Variants in NCAM1 observed in about 807,000 individuals in gnomAD.
The protein encoded by NCAM1 is neural cell adhesion molecule 1.
NCAM1 carries 14 observed loss-of-function variants against 109.8 expected under a neutral mutation model. That is an observed-to-expected ratio of 0.13 (90% CI 0.08 to 0.20). NCAM1 has a LOEUF of 0.20. Ranked by LOEUF, NCAM1 falls within the 10% of genes least tolerant of loss-of-function variation. The probability of loss-of-function intolerance (pLI) is 1.00; values close to 1 mark genes in which losing one functional copy is unlikely to be tolerated. For missense variants in NCAM1, 774 were observed against 1,109.9 expected, an observed-to-expected ratio of 0.70 and a Z score of 4.30; for synonymous variants, 418 against 442.9, an observed-to-expected ratio of 0.94 and a Z score of 0.70.
chr11:113,012,054 C>T (rs1020403228), intron 1 of NCAM1, among the ~76,000 whole-genome samples: 11 of 143,496 alleles, frequency 7.7e-5, no homozygotes, highest in East Asian at 4.2e-4. Context: ...ACAGATTCTC[C>T]GTCTCCCAGG....
intron 1 of NCAM1, among the ~76,000 whole-genome samples, chr11:113,085,297 A>G (rs956696334): frequency 6.6e-6 from 1 of 152,216 alleles, no homozygotes; most frequent in Non-Finnish European, 1.5e-5. Flanking sequence ...TACTAATTCC[A>G]CAATGGCCAG....
In NCAM1 at chr11:113,275,590, G is replaced by C. The variant is rs1245784035; in HGVS notation, c.*203G>C. The C allele has an allele frequency of 1.6e-6, 1 of 635,648 alleles. No homozygotes were observed. The highest frequency in any genetic ancestry group is 2.4e-6 in the Non-Finnish European group (1 of 408,318). 39.4% of individuals were successfully genotyped at this position (635,648 alleles called of 1,614,324 possible). On this transcript the variant is annotated 3_prime_UTR_variant, in exon 20 of 20. Coordinates refer to ENST00000316851, the MANE Select transcript of NCAM1 (RefSeq NM_181351.5). ...GGAATCTCCTTTTTGTAGGTTTATAGAAAGGGTCCCTTTGTTGCACACTCA... is the reference window on the plus strand; with the variant it reads ...GGAATCTCCTTTTTGTAGGTTTATACAAAGGGTCCCTTTGTTGCACACTCA...
chr11:113,271,387 A>G (rs999009532), intron 18 of NCAM1, among the ~76,000 whole-genome samples: 2 of 151,534 alleles, frequency 1.3e-5, no homozygotes, highest in African/African-American at 2.4e-5. Flanking sequence ...AAAAAAAAAA[A>G]AAAAAAAAAG....
At chr11:113,123,251 C>T (rs781914716) in intron 1 of NCAM1, among the ~76,000 whole-genome samples, 3 of 152,010 alleles carry the variant, frequency 2.0e-5, no homozygotes, top group African/African-American at 4.8e-5. Flanking sequence ...ACGTTCCTGG[C>T]GATGGATAAT....
At chr11:113,258,461 A>T (rs1945886672) in intron 16 of NCAM1, among the ~76,000 whole-genome samples, 1 of 152,224 alleles carries the variant, frequency 6.6e-6, no homozygotes, top group Non-Finnish European at 1.5e-5. Context: ...AGTCCAACAG[A>T]TGTTTGCTGA....
intron 1 of NCAM1, among the ~76,000 whole-genome samples, chr11:113,117,880 C>G (rs1157272835): frequency 6.6e-6 from 1 of 151,978 alleles, no homozygotes; most frequent in Non-Finnish European, 1.5e-5. Flanking sequence ...AAAAGGAAGA[C>G]AGATTTTTAA....
At chr11:113,133,400 G>C (rs1555098766) in intron 1 of NCAM1, 1 of 152,138 alleles carries the variant, frequency 6.6e-6, no homozygotes, top group African/African-American at 2.4e-5. Context: ...GTGCTGCTGT[G>C]TTCTGTTGCA....
intron 1 of NCAM1, among the ~76,000 whole-genome samples, chr11:112,994,013 C>T (rs1459401392): frequency 6.6e-6 from 1 of 152,190 alleles, no homozygotes; most frequent in African/African-American, 2.4e-5. Flanking sequence ...ACAGCTGTCA[C>T]CCTGGGATGA....
At chr11:113,079,133 T>A (rs1938668917) in intron 1 of NCAM1, among the ~76,000 whole-genome samples, 1 of 152,222 alleles carries the variant, frequency 6.6e-6, no homozygotes, top group Non-Finnish European at 1.5e-5. Context: ...CGAGTTTACA[T>A]GAGGCTGTGA....
intron 15 of NCAM1, among the ~76,000 whole-genome samples, chr11:113,251,123 A>C (rs564889734): frequency 6.6e-6 from 1 of 152,294 alleles, no homozygotes; most frequent in Non-Finnish European, 1.5e-5. Context: ...TTTCTTGAGG[A>C]TGCCTGTTTG....
At chr11:112,971,272 G>C (rs1307030807) in intron 1 of NCAM1, among the ~76,000 whole-genome samples, 1 of 151,856 alleles carries the variant, frequency 6.6e-6, no homozygotes, top group Non-Finnish European at 1.5e-5. Context: ...CTCTCTCTCT[G>C]TGTAATATGT....
intron 1 of NCAM1, among the ~76,000 whole-genome samples, chr11:112,992,079 G>T (rs144925355): frequency 1.8e-3 from 276 of 152,300 alleles, no homozygotes; most frequent in South Asian, 8.1e-3. Flanking sequence ...GAAAACGGGA[G>T]AGAGGAGACT....
Position 113,028,215 on chromosome 11 carries a change from T to A in NCAM1, c.52+66551T>A, listed in dbSNP as rs140839921. On this transcript the variant is annotated intron_variant, in intron 1 of 19. Coordinates refer to ENST00000316851, the MANE Select transcript of NCAM1 (RefSeq NM_181351.5). ...TTATGACCACAAAAAAATAAAGGTT[T>A]GAGGTGATGAACATGCTAATCACCC... is the stretch of plus-strand genomic sequence containing the variant. Among the ~76,000 whole-genome samples, 4 of 152,260 alleles carry A rather than the reference T, an allele frequency of 2.6e-5. No individual in the cohort carries two copies. The East Asian group carries it at 7.7e-4, about 29-fold the overall frequency.
chr11:113,078,639 T>C (rs1414846734), intron 1 of NCAM1, among the ~76,000 whole-genome samples: 1 of 152,134 alleles, frequency 6.6e-6, no homozygotes, highest in Admixed American at 6.5e-5. Flanking sequence ...ATCTGCCTCA[T>C]TTTGAGGAAG....
At chr11:113,041,719 A>G (rs966015492) in intron 1 of NCAM1, among the ~76,000 whole-genome samples, 2 of 152,160 alleles carry the variant, frequency 1.3e-5, no homozygotes, top group Non-Finnish European at 2.9e-5. Flanking sequence ...CCACCATTTA[A>G]AACAACAACA....
chr11:113,246,056 C>T, intron 14 of NCAM1: 1 of 455,944 alleles, frequency 2.2e-6, no homozygotes, highest in African/African-American at 1.9e-5. Flanking sequence ...GCAGCCGTAG[C>T]TAATGCTTAT....
chr11:113,199,969 ACTC>A (rs1256398900), intron 1 of NCAM1, among the ~76,000 whole-genome samples: 4 of 150,838 alleles, frequency 2.7e-5, no homozygotes, highest in African/African-American at 9.8e-5. Flanking sequence ...GGATATGAAA[ACTC>A]CTCAGCCTTG....
At chr11:112,996,841 C>T (rs868982095) in intron 1 of NCAM1, among the ~76,000 whole-genome samples, 27 of 152,164 alleles carry the variant, frequency 1.8e-4, no homozygotes, top group African/African-American at 5.8e-4. Context: ...CAAGGGACCC[C>T]GTCCCTTTTC....
At chr11:113,019,104 G>A (rs781936153) in intron 1 of NCAM1, among the ~76,000 whole-genome samples, 68 of 152,054 alleles carry the variant, frequency 4.5e-4, no homozygotes, top group Non-Finnish European at 5.7e-4. Flanking sequence ...AGGGAGAGGT[G>A]ATGCTTCCTG....
Sources: gnomAD v4.1 joint callset for allele counts (sites outside exome capture counted in the v4.1 genomes callset) on GRCh38, gnomAD v4.1.1 for gene constraint, MANE v1.5 for transcripts, NCBI Gene and HGNC (gene_info 2026-07-23, HGNC 2026-07-21) for gene names.